Variants in SLC41A2 observed in about 807,000 individuals in gnomAD.
The protein encoded by SLC41A2 is SLC41A1-like 1.
SLC41A2 carries 32 observed loss-of-function variants against 58.3 expected under a neutral mutation model. The observed-to-expected ratio is 0.55, with a 90% CI of 0.41 to 0.74. The LOEUF (loss-of-function observed/expected upper bound fraction) is 0.74. Ranked by LOEUF, SLC41A2 falls within the 30% of genes least tolerant of loss-of-function variation. The pLI is 0.00. For missense variants in SLC41A2, 514 were observed against 680.6 expected, an observed-to-expected ratio of 0.76 and a Z score of 2.72; for synonymous variants, 190 against 235.0, an observed-to-expected ratio of 0.81 and a Z score of 1.75.
chr12:104,832,142 T>G (rs951628686), intron 10 of SLC41A2, among the ~76,000 whole-genome samples: 4 of 152,168 alleles, frequency 2.6e-5, no homozygotes, highest in Non-Finnish European at 5.9e-5. Flanking sequence ...AATTGACTAT[T>G]AACCCAAGAT....
At chr12:104,834,094 A>G (rs2042130260) in intron 10 of SLC41A2, 1 of 985,230 alleles carries the variant, frequency 1.0e-6, no homozygotes, top group African/African-American at 1.7e-5. Context: ...GCCTCACCTC[A>G]CAGGAATCAA....
At chr12:104,831,982 C>G (rs2042053894) in intron 10 of SLC41A2, among the ~76,000 whole-genome samples, 1 of 152,172 alleles carries the variant, frequency 6.6e-6, no homozygotes, top group African/African-American at 2.4e-5. Flanking sequence ...ATGAATAAAA[C>G]AGAATCCCTG....
At chr12:104,825,780 A>G (rs1354770933) in intron 10 of SLC41A2, among the ~76,000 whole-genome samples, 1 of 152,222 alleles carries the variant, frequency 6.6e-6, no homozygotes, top group East Asian at 1.9e-4. Context: ...AATAGGCACA[A>G]TGTAAATGGG....
chr12:104,938,475 G>A (rs572887996), intron 1 of SLC41A2, among the ~76,000 whole-genome samples: 1 of 152,318 alleles, frequency 6.6e-6, no homozygotes, highest in South Asian at 2.1e-4. Flanking sequence ...ATCTCCATTA[G>A]CATCAGGTTT....
chr12:104,887,081 ATCCT>A (rs2044708370), intron 5 of SLC41A2, among the ~76,000 whole-genome samples: 2 of 151,996 alleles, frequency 1.3e-5, no homozygotes, highest in African/African-American at 4.8e-5. Context: ...GTACTTTTAC[ATCCT>A]AATTTTCTTA....
chr12:104,885,225 A>T (rs1268713201), intron 6 of SLC41A2, among the ~76,000 whole-genome samples: 4 of 152,172 alleles, frequency 2.6e-5, no homozygotes, highest in African/African-American at 9.7e-5. Flanking sequence ...TTATCTTCTA[A>T]ATGAGAGAAA....
At chr12:104,946,288 A>G (rs1159261491) in intron 1 of SLC41A2, among the ~76,000 whole-genome samples, 1 of 152,052 alleles carries the variant, frequency 6.6e-6, no homozygotes, top group Non-Finnish European at 1.5e-5. Context: ...TTGTAGAGAC[A>G]TTGTCTCACT....
At chr12:104,935,851 T>C (rs1248739665) in intron 1 of SLC41A2, among the ~76,000 whole-genome samples, 11 of 152,132 alleles carry the variant, frequency 7.2e-5, no homozygotes, top group African/African-American at 2.4e-4. Context: ...GAGACCAGCC[T>C]GGCCAACACG....
At chr12:104,920,560 A>AG (rs1389418323) in intron 2 of SLC41A2, among the ~76,000 whole-genome samples, 2 of 152,026 alleles carry the variant, frequency 1.3e-5, no homozygotes, top group Non-Finnish European at 2.9e-5. Flanking sequence ...TACACAGAGA[A>AG]GAAAAAAAGA....
At chr12:104,933,061 G>T (rs765550935) in intron 1 of SLC41A2, among the ~76,000 whole-genome samples, 9 of 152,082 alleles carry the variant, frequency 5.9e-5, no homozygotes, top group African/African-American at 1.4e-4. Context: ...AAAAGCTTCT[G>T]CAGAGCCAAA....
At chr12:104,898,991 G>C (rs1032097592) in intron 3 of SLC41A2, among the ~76,000 whole-genome samples, 1 of 152,162 alleles carries the variant, frequency 6.6e-6, no homozygotes, top group Non-Finnish European at 1.5e-5. Flanking sequence ...TGGTAACAAT[G>C]TAGAGCAACA....
chr12:104,840,848 A>ACT (rs2042385407), intron 10 of SLC41A2, among the ~76,000 whole-genome samples: 1 of 152,186 alleles, frequency 6.6e-6, no homozygotes, highest in Non-Finnish European at 1.5e-5. Context: ...TAAGAAACTA[A>ACT]CTCAGCCATT....
intron 1 of SLC41A2, among the ~76,000 whole-genome samples, chr12:104,957,753 A>G (rs1357805750): frequency 1.3e-5 from 2 of 152,306 alleles, no homozygotes; most frequent in East Asian, 1.9e-4. Flanking sequence ...GCCTCGCAGC[A>G]TCTCCATCCC....
At chr12:104,911,567 T>C (rs1315092075) in intron 2 of SLC41A2, among the ~76,000 whole-genome samples, 1 of 152,212 alleles carries the variant, frequency 6.6e-6, no homozygotes, top group Non-Finnish European at 1.5e-5. Flanking sequence ...ATCAAAAATA[T>C]ACATGTCATG....
intron 1 of SLC41A2, among the ~76,000 whole-genome samples, chr12:104,942,494 A>G (rs112833646): frequency 3.4e-5 from 5 of 145,980 alleles, no homozygotes; most frequent in Non-Finnish European, 7.6e-5. Flanking sequence ...AAAAAAAACC[A>G]TGTTAAATTC....
intron 10 of SLC41A2, among the ~76,000 whole-genome samples, chr12:104,816,598 A>C (rs1420962033): frequency 6.6e-6 from 1 of 152,204 alleles, no homozygotes; most frequent in Non-Finnish European, 1.5e-5. Flanking sequence ...GAGTCTAATA[A>C]AAGAAGATTT....
intron 1 of SLC41A2, among the ~76,000 whole-genome samples, chr12:104,936,817 AC>A (rs530092724): frequency 7.9e-5 from 12 of 152,370 alleles, no homozygotes; most frequent in African/African-American, 2.6e-4. Flanking sequence ...AAAGAAAAAA[AC>A]AAAAATTGAA....
intron 6 of SLC41A2, among the ~76,000 whole-genome samples, chr12:104,867,747 G>A (rs1286519134): frequency 1.4e-5 from 2 of 147,460 alleles, no homozygotes; most frequent in African/African-American, 5.0e-5. Flanking sequence ...GTAGCCTACA[G>A]CCTTAGATTA....
chr12:104,917,972 T>A (rs914620663), intron 2 of SLC41A2, among the ~76,000 whole-genome samples: 20 of 147,062 alleles, frequency 1.4e-4, no homozygotes, highest in Non-Finnish European at 2.5e-4. Flanking sequence ...TAAAGTATAA[T>A]AATAAAATAA....
Sources: allele counts gnomAD v4.1 joint callset (sites outside exome capture counted in the v4.1 genomes callset), GRCh38; gene constraint gnomAD v4.1.1; transcripts MANE v1.5; gene names NCBI Gene and HGNC (gene_info 2026-07-23, HGNC 2026-07-21).